CADM1: variants seen among roughly 807,000 people sequenced by gnomAD.
CADM1 encodes TSLC-1.
CADM1 carries 15 observed loss-of-function variants against 53.1 expected under a neutral mutation model. That is an observed-to-expected ratio of 0.28 (90% CI 0.19 to 0.44). The LOEUF (loss-of-function observed/expected upper bound fraction) is 0.44, where lower values mean the gene tolerates loss of function less well. CADM1 is among the 20% of genes least tolerant of loss of function. CADM1 has a pLI of 1.00. For synonymous variants in CADM1, 281 were observed against 243.0 expected (o/e 1.16, Z -1.45); for missense variants, 434 against 611.3 (o/e 0.71, Z 3.06).
At chr11:115,403,706 C>T (rs1309667625) in intron 1 of CADM1, among the ~76,000 whole-genome samples, 2 of 152,014 alleles carry the variant, frequency 1.3e-5, no homozygotes, top group African/African-American at 2.4e-5. Flanking sequence ...AAGCAGTTCT[C>T]CTGCCTCAGC....
intron 4 of CADM1, among the ~76,000 whole-genome samples, chr11:115,230,150 A>G (rs1382696365): frequency 6.6e-6 from 1 of 152,212 alleles, no homozygotes; most frequent in African/African-American, 2.4e-5. Context: ...AACCATACCT[A>G]GGAAGTAGGA....
At chr11:115,359,905 A>T (rs1945983056) in intron 1 of CADM1, among the ~76,000 whole-genome samples, 1 of 152,164 alleles carries the variant, frequency 6.6e-6, no homozygotes, top group African/African-American at 2.4e-5. Flanking sequence ...AGTGTTCCTC[A>T]GTTATCCTCA....
intron 10 of CADM1, chr11:115,179,152 A>G (rs570103294): frequency 3.2e-6 from 1 of 315,256 alleles, no homozygotes; most frequent in South Asian, 3.1e-5. Context: ...TCTGAATGAC[A>G]CCTTTAGGCA....
intron 1 of CADM1, among the ~76,000 whole-genome samples, chr11:115,332,985 A>AC (rs2135222247): frequency 6.6e-6 from 1 of 152,044 alleles, no homozygotes; most frequent in African/African-American, 2.4e-5. Context: ...CACTCTATAC[A>AC]CCCTGTGCGA....
intron 11 of CADM1, 33 bp downstream of exon 11, chr11:115,178,611 C>T (rs765278524): frequency 1.2e-6 from 2 of 1,602,984 alleles, no homozygotes; most frequent in South Asian, 1.1e-5. Context: ...GCTGTGGGGA[C>T]ACGCTGCTTC....
At chr11:115,400,383 T>G (rs1334356181) in intron 1 of CADM1, among the ~76,000 whole-genome samples, 1 of 151,332 alleles carries the variant, frequency 6.6e-6, no homozygotes, top group Admixed American at 6.6e-5. Context: ...AAAGTATACA[T>G]AGAAAATTGG....
chr11:115,308,859 T>C (rs1944460458), intron 1 of CADM1, among the ~76,000 whole-genome samples: 1 of 141,678 alleles, frequency 7.1e-6, no homozygotes, highest in African/African-American at 2.5e-5. Flanking sequence ...ATTTATTCAA[T>C]CAACAAATAT....
chr11:115,405,711 A>G (rs1401115996), intron 1 of CADM1, among the ~76,000 whole-genome samples: 3 of 152,230 alleles, frequency 2.0e-5, no homozygotes, highest in Admixed American at 2.0e-4. Flanking sequence ...TAAAAAGCAA[A>G]TTTCAGAATA....
chr11:115,233,995 C>T lies in CADM1; in HGVS notation c.425-2505G>A, dbSNP rs78586219. Among the ~76,000 whole-genome samples the T allele has an allele frequency of 7.2e-4, 109 of 152,320 alleles. 1 individual carries two copies. In the Middle Eastern group the frequency reaches 0.01, roughly 14 times the overall value. On this transcript the variant is annotated intron_variant, in intron 3 of 11. Coordinates refer to ENST00000331581, the MANE Select transcript of CADM1 (RefSeq NM_001301043.2). Reference sequence around the variant, plus strand: ...CTTTGATGCTCCCTCTGTGGAAACACGGGAATCTTCTTGATGCGACAGTCC... The same window carrying T: ...CTTTGATGCTCCCTCTGTGGAAACATGGGAATCTTCTTGATGCGACAGTCC...
At chr11:115,466,654 G>T (rs314495) in intron 1 of CADM1, among the ~76,000 whole-genome samples, 131,735 of 152,192 alleles carry the variant, frequency 0.87, 57,450 homozygotes, top group East Asian at 0.99. Flanking sequence ...AAATTTGGAC[G>T]AGGAAGAAAA....
intron 10 of CADM1, among the ~76,000 whole-genome samples, chr11:115,189,085 C>T (rs375839904): frequency 3.9e-4 from 59 of 152,252 alleles, no homozygotes; most frequent in East Asian, 2.5e-3. Context: ...ACATGACTTA[C>T]GGCTCCTGAG....
At chr11:115,281,983 A>T (rs889963288) in intron 1 of CADM1, among the ~76,000 whole-genome samples, 1 of 152,220 alleles carries the variant, frequency 6.6e-6, no homozygotes, top group Non-Finnish European at 1.5e-5. Flanking sequence ...TCTACAAAGT[A>T]AAACATGTAT....
chr11:115,379,834 A>G (rs1054110685), intron 1 of CADM1, among the ~76,000 whole-genome samples: 2 of 152,196 alleles, frequency 1.3e-5, no homozygotes, highest in East Asian at 1.9e-4. Context: ...TACAGAAACT[A>G]TATCAGTCAT....
intron 1 of CADM1, among the ~76,000 whole-genome samples, chr11:115,484,192 T>C (rs566112678): frequency 6.6e-6 from 1 of 152,244 alleles, no homozygotes; most frequent in Non-Finnish European, 1.5e-5. Flanking sequence ...ATTTCATTCA[T>C]GACCCCCTAC....
intron 1 of CADM1, among the ~76,000 whole-genome samples, chr11:115,293,110 CAA>C (rs111347637): frequency 1.8e-3 from 270 of 152,270 alleles, no homozygotes; most frequent in African/African-American, 6.0e-3. Flanking sequence ...GGCAGAAAAT[CAA>C]AGTTTCCAAT....
intron 10 of CADM1, among the ~76,000 whole-genome samples, chr11:115,185,895 A>T (rs1308888473): frequency 6.6e-6 from 1 of 152,180 alleles, no homozygotes; most frequent in East Asian, 1.9e-4. Context: ...TGGGGGTGTG[A>T]GGAGGATGGA....
At chr11:115,181,178 A>C in intron 10 of CADM1, among the ~76,000 whole-genome samples, 1 of 127,628 alleles carries the variant, frequency 7.8e-6, no homozygotes, top group African/African-American at 2.8e-5. Flanking sequence ...GGGAGGGGGG[A>C]GGGGAGAGAC....
intron 3 of CADM1, among the ~76,000 whole-genome samples, chr11:115,235,616 A>C (rs1473670313): frequency 2.0e-5 from 3 of 152,236 alleles, no homozygotes; most frequent in Non-Finnish European, 4.4e-5. Flanking sequence ...CATTACGCCT[A>C]CAACATTTAA....
At chr11:115,453,564 T>C (rs1052504587) in intron 1 of CADM1, among the ~76,000 whole-genome samples, 1 of 152,116 alleles carries the variant, frequency 6.6e-6, no homozygotes, top group East Asian at 1.9e-4. Flanking sequence ...AGTGACAGGA[T>C]CTCGGCTCAC....
Sources: allele counts gnomAD v4.1 joint callset (sites outside exome capture counted in the v4.1 genomes callset), GRCh38; gene constraint gnomAD v4.1.1; transcripts MANE v1.5; gene names NCBI Gene and HGNC (gene_info 2026-07-23, HGNC 2026-07-21).